Variants in NFU1 observed in about 807,000 individuals in gnomAD.
NFU1 encodes the protein NFU1 iron-sulfur cluster scaffold homolog, mitochondrial.
NFU1 carries 30 observed loss-of-function variants against 32.2 expected under a neutral mutation model. The ratio of observed to expected loss-of-function variants is 0.93; its 90% CI spans 0.70 to 1.26. NFU1 has a LOEUF of 1.26. Among genes scored for constraint, NFU1 ranks in the 50% most tolerant of loss-of-function variants. The pLI is 0.00. For synonymous variants in NFU1, 112 were observed against 104.6 expected (o/e 1.07, Z -0.43); for missense variants, 306 against 306.6 (o/e 1.00, Z 0.02).
Position 69,406,099 on chromosome 2 carries a change from A to G in NFU1, c.485-17T>C. 6.6e-7 allele frequency: 1 copy of G among 1,504,718 alleles called. No individual in the cohort carries two copies. Among genetic ancestry groups the G allele is most frequent in the Middle Eastern group, 1.7e-4 (1 of 5,846 alleles). 93.2% of individuals were successfully genotyped at this position (1,504,718 alleles called of 1,614,324 possible). ...CTTCAGATCCTAGAAATAATTACAT[A>G]TAAAAACATCAAGAGTAGAAATTTT... On this transcript the variant is annotated splice_polypyrimidine_tract_variant and intron_variant, in intron 5 of 7. Transcript: ENST00000410022.
chr2:69,395,787 T>G, downstream of NFU1: 1 of 156,524 alleles, frequency 6.4e-6, no homozygotes, highest in East Asian at 1.9e-4. Flanking sequence ...AGTTCTTTGC[T>G]ACTTAATTGG....
chr2:69,400,659 T>C, intron 6 of NFU1, 121 bp from the exon 7 acceptor site: 1 of 841,052 alleles, frequency 1.2e-6, no homozygotes, highest in African/African-American at 1.7e-5. Flanking sequence ...AGAGCTACTT[T>C]TATAATACAG....
At chr2:69,421,191 C>T (rs192105985) in intron 3 of NFU1, among the ~76,000 whole-genome samples, 43 of 151,176 alleles carry the variant, frequency 2.8e-4, no homozygotes, top group African/African-American at 1.0e-3. Flanking sequence ...CCAGCCTGGG[C>T]AACAAAAGTG....
upstream of NFU1, among the ~76,000 whole-genome samples, chr2:69,438,792 T>G (rs889993364): frequency 5.9e-5 from 9 of 151,952 alleles, no homozygotes; most frequent in African/African-American, 1.7e-4. Flanking sequence ...GAGTGGGCTG[T>G]GCCTCCTACG....
chr2:69,412,158 C>A (rs1672903811), intron 5 of NFU1, among the ~76,000 whole-genome samples: 1 of 151,760 alleles, frequency 6.6e-6, no homozygotes, highest in Non-Finnish European at 1.5e-5. Context: ...TCAAGCAATT[C>A]TCCTGCCTCA....
At chr2:69,400,954 GA>G (rs1442261957) in intron 6 of NFU1, among the ~76,000 whole-genome samples, 3 of 152,054 alleles carry the variant, frequency 2.0e-5, no homozygotes, top group South Asian at 2.1e-4. Flanking sequence ...TGTCTCTAAA[GA>G]AATTTTTTTT....
At chr2:69,421,388 C>G (rs7559850) in intron 3 of NFU1, among the ~76,000 whole-genome samples, 1 of 151,568 alleles carries the variant, frequency 6.6e-6, no homozygotes. Context: ...AATGGCTGTA[C>G]GTATAGAAAT....
intron 4 of NFU1, chr2:69,416,300 TATA>T (rs1329809212): frequency 1.4e-5 from 2 of 147,772 alleles, no homozygotes; most frequent in Non-Finnish European, 3.0e-5. Context: ...TTATTAATAA[TATA>T]ATTATAATTT....
chr2:69,405,185 G>A (rs1222526683), intron 6 of NFU1, among the ~76,000 whole-genome samples: 3 of 152,066 alleles, frequency 2.0e-5, no homozygotes, highest in Non-Finnish European at 4.4e-5. Flanking sequence ...AGGCGAGGCT[G>A]TAGTGAGCTG....
At chr2:69,436,107 T>C (rs1238464533) in intron 1 of NFU1, among the ~76,000 whole-genome samples, 4 of 152,158 alleles carry the variant, frequency 2.6e-5, no homozygotes, top group African/African-American at 9.7e-5. Flanking sequence ...TTAATATATT[T>C]TTCTTGCTAG....
At chr2:69,432,772 C>T (rs964169834) in intron 1 of NFU1, among the ~76,000 whole-genome samples, 1 of 77,832 alleles carries the variant, frequency 1.3e-5, no homozygotes, top group African/African-American at 1.3e-4. Context: ...CCCTCCTTTC[C>T]TGTCCCTTAC....
chr2:69,433,563 C>T (rs1160257648), intron 1 of NFU1, among the ~76,000 whole-genome samples: 1 of 151,832 alleles, frequency 6.6e-6, no homozygotes, highest in East Asian at 1.9e-4. Flanking sequence ...GCAACCTCCA[C>T]CTCCTGGGTT....
At chr2:69,409,445 T>C (rs761231925) in intron 5 of NFU1, among the ~76,000 whole-genome samples, 1 of 152,192 alleles carries the variant, frequency 6.6e-6, no homozygotes, top group Non-Finnish European at 1.5e-5. Context: ...ACTCAAGACA[T>C]ATATCTAAAA....
intron 1 of NFU1, 89 bp from the exon 2 acceptor site, chr2:69,432,094 T>C (rs1673658496): frequency 6.1e-6 from 5 of 824,366 alleles, no homozygotes; most frequent in African/African-American, 1.7e-5. Flanking sequence ...AAAAGACCTA[T>C]GTAAAATTTA....
At chr2:69,402,585 T>C (rs1672557982) in intron 6 of NFU1, among the ~76,000 whole-genome samples, 1 of 152,086 alleles carries the variant, frequency 6.6e-6, no homozygotes, top group African/African-American at 2.4e-5. Flanking sequence ...TATATATACA[T>C]ATATTTATTT....
chr2:69,417,063 G>C (rs1673079440), intron 4 of NFU1, among the ~76,000 whole-genome samples: 1 of 152,104 alleles, frequency 6.6e-6, no homozygotes, highest in Non-Finnish European at 1.5e-5. Context: ...TGTTACCTCA[G>C]ATCTTCAGTA....
At chr2:69,422,995 G>A (rs1261587521) in intron 3 of NFU1, among the ~76,000 whole-genome samples, 1 of 150,942 alleles carries the variant, frequency 6.6e-6, no homozygotes, top group Admixed American at 6.6e-5. Flanking sequence ...GGGTTTTTTT[G>A]AGACAGGGTC....
At chr2:69,399,955 C>T (rs1282367390) in intron 7 of NFU1, among the ~76,000 whole-genome samples, 2 of 151,904 alleles carry the variant, frequency 1.3e-5, no homozygotes, top group East Asian at 3.9e-4. Flanking sequence ...TCACCGCAAC[C>T]TCCGCCTCCC....
chr2:69,438,354 A>T (rs372233557), upstream of NFU1, among the ~76,000 whole-genome samples: 2 of 151,578 alleles, frequency 1.3e-5, no homozygotes, highest in Admixed American at 1.3e-4. Flanking sequence ...GGCTCAAGTG[A>T]TTCATCCTCC....
Sources: gnomAD v4.1 joint callset for allele counts (sites outside exome capture counted in the v4.1 genomes callset) on GRCh38, gnomAD v4.1.1 for gene constraint, MANE v1.5 for transcripts, NCBI Gene and HGNC (gene_info 2026-07-23, HGNC 2026-07-21) for gene names.